MYO16: variants seen among roughly 807,000 people sequenced by gnomAD.
MYO16 encodes the protein unconventional myosin-XVI.
In MYO16, 94 loss-of-function variants were observed where a neutral mutation model predicts 205.3. The ratio of observed to expected loss-of-function variants is 0.46; its 90% CI spans 0.39 to 0.54. MYO16 has a LOEUF of 0.54. Among genes scored for constraint, MYO16 ranks in the 20% least tolerant of loss-of-function variants. The pLI, the probability that MYO16 is intolerant of heterozygous loss-of-function variation, is 0.00. For synonymous variants in MYO16, 988 were observed against 954.0 expected, an observed-to-expected ratio of 1.04 and a Z score of -0.66; for missense variants, 2,315 against 2,387.5, an observed-to-expected ratio of 0.97 and a Z score of 0.63.
At chr13:108,714,271 A>G (rs764989659) in intron 3 of MYO16, among the ~76,000 whole-genome samples, 12 of 152,206 alleles carry the variant, frequency 7.9e-5, no homozygotes, top group South Asian at 2.1e-4. Context: ...TCGCTAGGAT[A>G]GTCTGGATCT....
intron 27 of MYO16, among the ~76,000 whole-genome samples, chr13:109,081,851 A>G (rs995318553): frequency 6.6e-6 from 1 of 152,206 alleles, no homozygotes; most frequent in Non-Finnish European, 1.5e-5. Context: ...ATTTCCTGCA[A>G]TGCTAATAAC....
chr13:108,844,488 G>C lies in MYO16; in HGVS notation c.1243G>C (p.Glu415Gln). 6.2e-7 allele frequency: 1 copy of C among 1,604,804 alleles called. No homozygotes were observed. Among genetic ancestry groups the C allele is most frequent in the Non-Finnish European group, 8.5e-7 (1 of 1,173,786 alleles). ...NPMMSGSTKP[E>Q]QVKLMPPAPN... Reference sequence around the variant, plus strand: ...CATGATGAGCGGTTCCACCAAACCCGAGCAGGTAATCATGCTTTCACTGTG... The same window carrying C: ...CATGATGAGCGGTTCCACCAAACCCCAGCAGGTAATCATGCTTTCACTGTG... Residue 415 changes from glutamate to glutamine, a missense_variant, in exon 10 of 35, where the codon GAG (glutamate) becomes CAG (glutamine). By Grantham distance (29) the Glu-to-Gln change is conservative. Transcript: ENST00000457511.
chr13:108,668,305 G>T (rs1413003861), intron 2 of MYO16, among the ~76,000 whole-genome samples: 1 of 152,162 alleles, frequency 6.6e-6, no homozygotes, highest in African/African-American at 2.4e-5. Flanking sequence ...GATGATGGTG[G>T]CTTGGACCCA....
At chr13:109,082,940 A>G (rs965595435) in intron 27 of MYO16, among the ~76,000 whole-genome samples, 3 of 152,204 alleles carry the variant, frequency 2.0e-5, no homozygotes, top group Non-Finnish European at 4.4e-5. Flanking sequence ...ATATATTCAC[A>G]TATCTATAAG....
rs377500724 is a variant in MYO16, at chr13:108,962,499, AT to A, written c.2227+11del. 3.0e-4 allele frequency: 473 copies of A among 1,560,222 alleles called. No individual in the cohort carries two copies. The highest frequency in any genetic ancestry group is 3.0e-3 in the African/African-American group (217 of 72,324). ...ACTGATATTCAATATTTTAAAGGTA[AT>A]TTTTTTATGCTCTAACATCTTTGTG... On this transcript the variant is annotated splice_donor_5th_base_variant and intron_variant, in intron 19 of 34. Transcript: ENST00000457511.
chr13:108,601,383 A>C (rs1878756870), intron 1 of MYO16, among the ~76,000 whole-genome samples: 1 of 152,136 alleles, frequency 6.6e-6, no homozygotes, highest in Non-Finnish European at 1.5e-5. Context: ...TTAAAAAATG[A>C]GAAGGAACAT....
At chr13:108,721,559 G>C (rs966575421) in intron 3 of MYO16, among the ~76,000 whole-genome samples, 1 of 152,196 alleles carries the variant, frequency 6.6e-6, no homozygotes. Context: ...GGTGTTCTAA[G>C]TGGAGAGAAG....
the MYO16 span, among the ~76,000 whole-genome samples, chr13:108,530,907 C>G: frequency 6.6e-6 from 1 of 151,714 alleles, no homozygotes; most frequent in Non-Finnish European, 1.5e-5. Context: ...TCAATGTTTT[C>G]TAAGTTTTTC....
At chr13:108,732,470 G>A (rs1020284201) in intron 4 of MYO16, among the ~76,000 whole-genome samples, 4 of 152,300 alleles carry the variant, frequency 2.6e-5, no homozygotes, top group South Asian at 2.1e-4. Context: ...ACGTGGATAC[G>A]TGGGTGCAAG....
chr13:108,682,186 TG>T (rs139181299), intron 2 of MYO16, among the ~76,000 whole-genome samples: 2,371 of 152,348 alleles, frequency 0.016, 34 homozygotes, highest in Non-Finnish European at 0.022. Context: ...GTGCAGTCTA[TG>T]GCACAGTGCT....
chr13:108,549,299 G>T, the MYO16 span, among the ~76,000 whole-genome samples: 1 of 152,050 alleles, frequency 6.6e-6, no homozygotes, highest in Non-Finnish European at 1.5e-5. Context: ...GTTTTGAAGG[G>T]GAAAAAGGGG....
intron 31 of MYO16, among the ~76,000 whole-genome samples, chr13:109,137,918 C>T (rs927041421): frequency 2.0e-5 from 3 of 152,230 alleles, no homozygotes; most frequent in Non-Finnish European, 4.4e-5. Context: ...TGTTGGTTCT[C>T]ATCTTCAAGG....
intron 27 of MYO16, among the ~76,000 whole-genome samples, chr13:109,068,430 A>G (rs1322033880): frequency 6.6e-6 from 1 of 152,110 alleles, no homozygotes; most frequent in Non-Finnish European, 1.5e-5. Flanking sequence ...GCCATGTTTT[A>G]CTTTCTGGAA....
At chr13:109,102,891 T>A (rs539497373) in intron 28 of MYO16, among the ~76,000 whole-genome samples, 139 of 152,188 alleles carry the variant, frequency 9.1e-4, no homozygotes, top group Non-Finnish European at 1.6e-3. Flanking sequence ...TCCACACTTT[T>A]CACCTGCCTA....
At chr13:109,051,488 T>C (rs776571688) in intron 24 of MYO16, among the ~76,000 whole-genome samples, 1 of 152,178 alleles carries the variant, frequency 6.6e-6, no homozygotes, top group Non-Finnish European at 1.5e-5. Flanking sequence ...CATTATTTTA[T>C]AGGAAAGGAC....
intron 12 of MYO16, among the ~76,000 whole-genome samples, chr13:108,873,611 C>CACCAGGACAGGGTCCAGGCCAACCA (rs879932532): frequency 6.6e-6 from 1 of 151,650 alleles, no homozygotes; most frequent in South Asian, 2.1e-4. Flanking sequence ...CCATGCCAAC[C>CACCAGGACAGGGTCCAGGCCAACCA]ACCAGGACAG....
chr13:108,528,314 G>A, the MYO16 span, among the ~76,000 whole-genome samples: 406 of 152,142 alleles, frequency 2.7e-3, 3 homozygotes, highest in African/African-American at 9.0e-3. Context: ...TTACCTTTTG[G>A]CCAGATGGCA....
chr13:108,568,873 C>G, the MYO16 span, among the ~76,000 whole-genome samples: 1 of 151,946 alleles, frequency 6.6e-6, no homozygotes, highest in Non-Finnish European at 1.5e-5. Context: ...ATTTTTCTGT[C>G]CAACTTTCTC....
intron 1 of MYO16, among the ~76,000 whole-genome samples, chr13:108,643,723 C>T (rs561644987): frequency 6.6e-6 from 1 of 152,228 alleles, no homozygotes; most frequent in African/African-American, 2.4e-5. Flanking sequence ...TTATTTGTTT[C>T]CAGTTTGGGG....
Sources: gnomAD v4.1 joint callset for allele counts (sites outside exome capture counted in the v4.1 genomes callset) on GRCh38, gnomAD v4.1.1 for gene constraint, MANE v1.5 for transcripts, NCBI Gene and HGNC (gene_info 2026-07-23, HGNC 2026-07-21) for gene names.